LRCH3: variants seen among roughly 807,000 people sequenced by gnomAD.
LRCH3 encodes DISP complex protein LRCH3.
A neutral mutation model predicts 104.5 loss-of-function variants in LRCH3; 68 were observed. The ratio of observed to expected loss-of-function variants is 0.65; its 90% CI spans 0.54 to 0.80. The LOEUF (loss-of-function observed/expected upper bound fraction) is 0.80. LRCH3 is among the 30% of genes least tolerant of loss of function. The pLI is 0.00. For missense variants in LRCH3, 951 were observed against 953.9 expected, an observed-to-expected ratio of 1.00 and a Z score of 0.04; for synonymous variants, 344 against 361.3, an observed-to-expected ratio of 0.95 and a Z score of 0.54.
intron 8 of LRCH3, among the ~76,000 whole-genome samples, chr3:197,834,303 G>A (rs573801554): frequency 6.6e-6 from 1 of 152,154 alleles, no homozygotes; most frequent in East Asian, 1.9e-4. Flanking sequence ...ATTTATATAC[G>A]TCTCCTCACC....
chr3:197,826,215 C>T (rs1004781968), intron 4 of LRCH3, among the ~76,000 whole-genome samples: 3 of 152,124 alleles, frequency 2.0e-5, no homozygotes, highest in African/African-American at 7.2e-5. Context: ...ATATAAAGGC[C>T]TTTTATATGG....
Position 197,820,385 on chromosome 3 carries a change from A to G in LRCH3, c.595A>G (p.Arg199Gly). 6.2e-7 allele frequency: 1 copy of G among 1,612,852 alleles called. No homozygotes were observed. The highest frequency in any genetic ancestry group is 1.1e-5 in the South Asian group (1 of 91,040). Residue 199 changes from arginine (R) to glycine (G), a missense_variant, in exon 4 of 21, where the codon AGA (arginine) becomes GGA (glycine). Transcript: ENST00000425562. ...CCAAATTGGTAACCTGGAGGCCTTG[A>G]GAGACCTTAATGTAAGAAGAAATCA... ...PSQIGNLEAL[R>G]DLNVRRNHLV...
At position 197,871,391 on chromosome 3, in the gene LRCH3, G is replaced by C. The variant is rs748944157; in HGVS notation, c.2059G>C (p.Val687Leu). 6.2e-7 allele frequency: 1 copy of C among 1,614,068 alleles called. No individual in the cohort carries two copies. Among genetic ancestry groups the C allele is most frequent in the Non-Finnish European group, 8.5e-7 (1 of 1,180,020 alleles). ...CGGAGCAGCTCTAACTGACGGTGTT[G>C]TTCTTTGCCATTTGGCCAATCATGT... ...DLGAALTDGV[V>L]LCHLANHVRP... Residue 687 changes from valine (V) to leucine (L), a missense_variant, in exon 19 of 21, where the codon GTT becomes CTT. Transcript: ENST00000425562.
At position 197,870,274 on chromosome 3, in the gene LRCH3, G is replaced by T. The variant is rs371803335; in HGVS notation, c.1988G>T (p.Arg663Leu). The T allele has an allele frequency of 6.2e-7, 1 of 1,612,048 alleles. No individual in the cohort carries two copies. The highest frequency in any genetic ancestry group is 1.1e-5 in the South Asian group (1 of 91,012). ...GAGCTGGAATTAATAGACCAACTGC[G>T]TAAAGTATGTACATTACCTTTGATT... The part of the protein sequence containing the change: ...EEELELIDQL[R>L]KHIEYRLKVS... Residue 663 changes from arginine (R) to leucine (L), a missense_variant, in exon 18 of 21, where the codon CGT (arginine) becomes CTT (leucine). Transcript: ENST00000425562.
intron 20 of LRCH3, chr3:197,875,999 G>T: frequency 2.9e-6 from 1 of 342,076 alleles, no homozygotes; most frequent in Non-Finnish European, 5.2e-6. Flanking sequence ...ATAAGTATAA[G>T]TAATTTGAAA....
At chr3:197,791,661 C>T (rs1204470764) in intron 1 of LRCH3, 121 bp downstream of exon 1, 11 of 1,174,436 alleles carry the variant, frequency 9.4e-6, no homozygotes, top group South Asian at 1.7e-5. Flanking sequence ...GGTCCGGACC[C>T]GGGTAACGGG....
intron 10 of LRCH3, among the ~76,000 whole-genome samples, chr3:197,842,895 G>A (rs987635071): frequency 2.0e-5 from 3 of 151,956 alleles, no homozygotes; most frequent in African/African-American, 7.3e-5. Flanking sequence ...GACCAGCCTG[G>A]CCAACATGGT....
chr3:197,817,240 A>G lies in LRCH3; in HGVS notation c.472A>G (p.Ser158Gly), dbSNP rs765777629. 2.5e-6 allele frequency: 4 copies of G among 1,611,100 alleles called. No individual in the cohort carries two copies. Among genetic ancestry groups the G allele is most frequent in the South Asian group, 2.2e-5 (2 of 90,718 alleles). The change falls in exon 3 of 21, where the codon AGT becomes GGT. Residue 158 changes from serine to glycine, a missense_variant. Transcript: ENST00000425562. ...TTTGCCATTGAAAGTCTTAATTGCT[A>G]GTAATAACAAATTGGTGTCACTTCC... ...CNLPLKVLIA[S>G]NNKLVSLPEE... is the part of the protein sequence containing the mutation.
intron 1 of LRCH3, among the ~76,000 whole-genome samples, chr3:197,809,313 C>CT (rs1732857611): frequency 6.6e-6 from 1 of 151,498 alleles, no homozygotes; most frequent in Admixed American, 6.6e-5. Context: ...AAAAAAAGGA[C>CT]TTTTTTTCTC....
intron 20 of LRCH3, chr3:197,881,488 C>T (rs1713769188): frequency 1.0e-6 from 1 of 985,308 alleles, no homozygotes; most frequent in Admixed American, 6.1e-5. Context: ...GACTGAGGTT[C>T]ACTCCCAGCA....
chr3:197,835,049 C>T (rs965962647), intron 8 of LRCH3, among the ~76,000 whole-genome samples: 1 of 152,054 alleles, frequency 6.6e-6, no homozygotes, highest in Non-Finnish European at 1.5e-5. Context: ...GAGGCTGAGG[C>T]AGGAGAATCG....
At chr3:197,865,789 T>C (rs989117558) in intron 16 of LRCH3, among the ~76,000 whole-genome samples, 1 of 152,066 alleles carries the variant, frequency 6.6e-6, no homozygotes, top group African/African-American at 2.4e-5. Flanking sequence ...TTTTCCCATT[T>C]TTAAATTAAA....
At chr3:197,816,550 GA>G (rs1733826673) in intron 2 of LRCH3, among the ~76,000 whole-genome samples, 1 of 152,208 alleles carries the variant, frequency 6.6e-6, no homozygotes, top group Non-Finnish European at 1.5e-5. Flanking sequence ...AGAGTGCTGG[GA>G]TTACAGACGT....
At position 197,846,373 on chromosome 3, in the gene LRCH3, C is replaced by T. The variant is rs1228543785; in HGVS notation, c.1329-1036C>T. ...GAGCCATGATCACGGCATTGCACTC[C>T]ACCTTGGGCCACAAAAAAAAAAAAA... is the stretch of plus-strand genomic sequence containing the variant. On this transcript the variant is annotated intron_variant, in intron 10 of 20. Coordinates refer to ENST00000425562, the MANE Select transcript of LRCH3 (RefSeq NM_001365715.1). 4.3e-5 allele frequency among the ~76,000 whole-genome samples: 6 copies of T among 139,932 alleles called. No individual in the cohort carries two copies. In the East Asian group the frequency reaches 1.2e-3, roughly 29 times the overall value. The allele number at this position is 139,932 out of a possible 152,430, so 91.8% of individuals were successfully genotyped here. A position where few individuals can be genotyped will look rare whatever the true frequency, so the allele number is the denominator to read the frequency against.
intron 20 of LRCH3, chr3:197,882,357 G>T: frequency 1.0e-6 from 1 of 985,098 alleles, no homozygotes; most frequent in Non-Finnish European, 1.2e-6. Flanking sequence ...AAAGTTGCTA[G>T]TTTTTTTAGA....
intron 20 of LRCH3, among the ~76,000 whole-genome samples, chr3:197,878,885 GACC>G (rs1713221310): frequency 6.6e-6 from 1 of 152,130 alleles, no homozygotes; most frequent in South Asian, 2.1e-4. Flanking sequence ...ATGTAATAAT[GACC>G]ACTTTTGAAA....
At chr3:197,821,966 A>C (rs1734546675) in intron 4 of LRCH3, among the ~76,000 whole-genome samples, 1 of 152,178 alleles carries the variant, frequency 6.6e-6, no homozygotes, top group African/African-American at 2.4e-5. Flanking sequence ...GAGCCACTGC[A>C]CCTGGCCACA....
rs1194333528 is a variant in LRCH3, at chr3:197,835,817, C to T, written c.1246C>T (p.His416Tyr). 2 of 1,614,100 alleles carry T rather than the reference C, an allele frequency of 1.2e-6. No individual in the cohort carries two copies. Among genetic ancestry groups the T allele is most frequent in the Non-Finnish European group, 8.5e-7 (1 of 1,179,988 alleles). The change falls in exon 9 of 21, where the codon CAT (histidine) becomes TAT (tyrosine). Residue 416 changes from histidine (H) to tyrosine (Y), a missense_variant. His to Tyr is a moderately conservative substitution (Grantham distance 83). Transcript: ENST00000425562. ...MAYIEQRRISHEGSPVKPVAI... is the reference protein window; with the variant it reads ...MAYIEQRRISYEGSPVKPVAI... ...GTATATTGAACAGCGGCGAATCTCT[C>T]ATGAGGTAGTACACAGATTGAAGCC...
intron 17 of LRCH3, among the ~76,000 whole-genome samples, chr3:197,867,803 C>T (rs1002029409): frequency 9.2e-5 from 14 of 151,736 alleles, no homozygotes; most frequent in Non-Finnish European, 1.6e-4. Context: ...TGCAGTGAGC[C>T]GAGATCGCAC....
Sources: gnomAD v4.1 joint callset for allele counts (sites outside exome capture counted in the v4.1 genomes callset) on GRCh38, gnomAD v4.1.1 for gene constraint, MANE v1.5 for transcripts, NCBI Gene and HGNC (gene_info 2026-07-23, HGNC 2026-07-21) for gene names.